The following ROBO1 variants were observed in gnomAD, a reference collection of about 807,000 sequenced individuals.
The protein encoded by ROBO1 is roundabout guidance receptor 1, also known as roundabout homolog 1.
In ROBO1, 149 loss-of-function variants were observed where a neutral mutation model predicts 195.9. That is an observed-to-expected ratio of 0.76 (90% CI 0.67 to 0.87). The LOEUF (loss-of-function observed/expected upper bound fraction) is 0.87, where lower values mean the gene tolerates loss of function less well. ROBO1 is among the 40% of genes least tolerant of loss of function. The pLI is 0.00. For missense variants in ROBO1, 1,933 were observed against 2,068.3 expected (o/e 0.93, Z 1.27); for synonymous variants, 816 against 733.2 (o/e 1.11, Z -1.82).
intron 2 of ROBO1, among the ~76,000 whole-genome samples, chr3:79,514,500 GAC>G (rs1940858388): frequency 6.6e-6 from 1 of 151,924 alleles, no homozygotes; most frequent in Non-Finnish European, 1.5e-5. Context: ...CTTTGGGCTG[GAC>G]ACAGTCTCTG....
In ROBO1 at chr3:79,544,021, C is replaced by T. The variant is rs185638314; in HGVS notation, c.88+45803G>A. Among the ~76,000 whole-genome samples the T allele has an allele frequency of 7.1e-4, 108 of 152,094 alleles. 1 individual carries two copies. The Middle Eastern group carries it at 0.01, about 14-fold the overall frequency. On this transcript the variant is annotated intron_variant, in intron 2 of 30. Transcript: ENST00000464233. The stretch of plus-strand genomic sequence containing the variant: ...GTAATTTCACACCATAAAAGTGACA[C>T]CCTGGGGTACAGGCTGCATTGAAGG...
At chr3:78,991,909 C>A (rs774656337) in intron 3 of ROBO1, among the ~76,000 whole-genome samples, 1 of 151,786 alleles carries the variant, frequency 6.6e-6, no homozygotes, top group Non-Finnish European at 1.5e-5. Flanking sequence ...ACAATAAACT[C>A]TGAAATATTT....
intron 21 of ROBO1, among the ~76,000 whole-genome samples, chr3:78,643,021 C>A (rs2107577039): frequency 6.6e-6 from 1 of 152,174 alleles, no homozygotes; most frequent in Admixed American, 6.5e-5. Context: ...TGATTTATCG[C>A]ATTTATTTAT....
chr3:78,857,402 A>G (rs2034520938), intron 4 of ROBO1, among the ~76,000 whole-genome samples: 1 of 152,218 alleles, frequency 6.6e-6, no homozygotes, highest in South Asian at 2.1e-4. Flanking sequence ...ATAAGGATTA[A>G]TTTAAGAGTT....
chr3:79,170,102 TG>T (rs1416312554), intron 2 of ROBO1, among the ~76,000 whole-genome samples: 2 of 152,118 alleles, frequency 1.3e-5, no homozygotes, highest in African/African-American at 4.8e-5. Context: ...CTTAGCTATC[TG>T]CATATCCTAG....
intron 4 of ROBO1, among the ~76,000 whole-genome samples, chr3:78,820,443 A>G (rs1348509185): frequency 5.3e-5 from 8 of 152,242 alleles, no homozygotes; most frequent in African/African-American, 1.9e-4. Context: ...ATTCAAAGCC[A>G]AATTTGTACT....
intron 3 of ROBO1, among the ~76,000 whole-genome samples, chr3:79,061,262 G>A (rs1381608526): frequency 6.6e-6 from 1 of 152,092 alleles, no homozygotes; most frequent in African/African-American, 2.4e-5. Flanking sequence ...TTACTACAAA[G>A]AGAATAAAAT....
At chr3:79,173,007 G>A (rs1399173974) in intron 2 of ROBO1, among the ~76,000 whole-genome samples, 3 of 152,068 alleles carry the variant, frequency 2.0e-5, no homozygotes, top group Non-Finnish European at 4.4e-5. Flanking sequence ...GTTCATATCT[G>A]CCTCTATAAC....
intron 2 of ROBO1, among the ~76,000 whole-genome samples, chr3:79,562,760 C>T (rs1221728130): frequency 6.6e-6 from 1 of 151,838 alleles, no homozygotes; most frequent in Non-Finnish European, 1.5e-5. Context: ...TTGTTTTTCT[C>T]AATATCCCAC....
At chr3:79,637,363 A>G (rs942006523) in intron 1 of ROBO1, among the ~76,000 whole-genome samples, 3 of 149,330 alleles carry the variant, frequency 2.0e-5, no homozygotes, top group Admixed American at 6.8e-5. Flanking sequence ...CAATTATTTT[A>G]TACTTTCATT....
At chr3:79,684,377 A>G (rs1017183539) in intron 1 of ROBO1, among the ~76,000 whole-genome samples, 1 of 151,984 alleles carries the variant, frequency 6.6e-6, no homozygotes, top group African/African-American at 2.4e-5. Flanking sequence ...TGATTTCTGG[A>G]TTTCCTTATG....
chr3:78,753,026 C>CT (rs1399783562), intron 4 of ROBO1, among the ~76,000 whole-genome samples: 2 of 152,008 alleles, frequency 1.3e-5, no homozygotes, highest in African/African-American at 4.8e-5. Flanking sequence ...GAAAGGAGTA[C>CT]TTTTATTCAA....
At chr3:78,794,222 C>G (rs1342167217) in intron 4 of ROBO1, among the ~76,000 whole-genome samples, 1 of 152,126 alleles carries the variant, frequency 6.6e-6, no homozygotes, top group African/African-American at 2.4e-5. Context: ...GTCACTTAGC[C>G]TCTCTTTATC....
At chr3:79,247,127 C>CTTTTTTTTTTT (rs1484743424) in intron 2 of ROBO1, among the ~76,000 whole-genome samples, 4 of 127,756 alleles carry the variant, frequency 3.1e-5, no homozygotes, top group Non-Finnish European at 4.8e-5. Context: ...CTCCTGTTTA[C>CTTTTTTTTTTT]TGTTTTTTTT....
chr3:78,650,984 T>A (rs1418275097), intron 19 of ROBO1, among the ~76,000 whole-genome samples: 1 of 152,150 alleles, frequency 6.6e-6, no homozygotes, highest in East Asian at 1.9e-4. Context: ...AACAATTTCC[T>A]TTGAGAATAA....
chr3:79,243,298 G>C (rs997517545), intron 2 of ROBO1, among the ~76,000 whole-genome samples: 2 of 152,022 alleles, frequency 1.3e-5, no homozygotes. Flanking sequence ...AAACATACGT[G>C]TGCATGTGTC....
At chr3:78,684,245 T>C (rs1452004743) in intron 10 of ROBO1, among the ~76,000 whole-genome samples, 1 of 152,192 alleles carries the variant, frequency 6.6e-6, no homozygotes, top group Non-Finnish European at 1.5e-5. Flanking sequence ...CTAAGTGTAT[T>C]TTACTGACAT....
intron 3 of ROBO1, among the ~76,000 whole-genome samples, chr3:79,081,389 C>A (rs1482114883): frequency 6.6e-6 from 1 of 152,014 alleles, no homozygotes; most frequent in Non-Finnish European, 1.5e-5. Context: ...TGCAAAGCCC[C>A]CAAACACTTT....
chr3:79,506,938 A>T (rs1940429887), intron 2 of ROBO1, among the ~76,000 whole-genome samples: 1 of 152,150 alleles, frequency 6.6e-6, no homozygotes, highest in Non-Finnish European at 1.5e-5. Context: ...AGTTCATAGG[A>T]GGTTACTGGA....
Sources: gnomAD v4.1 joint callset for allele counts (sites outside exome capture counted in the v4.1 genomes callset) on GRCh38, gnomAD v4.1.1 for gene constraint, MANE v1.5 for transcripts, NCBI Gene and HGNC (gene_info 2026-07-23, HGNC 2026-07-21) for gene names.